The following WDR35 variants were observed in gnomAD, a reference collection of about 807,000 sequenced individuals.
WDR35 encodes the protein WD repeat domain 35, also known as WD repeat-containing protein 35.
Under a neutral mutation model 158.3 loss-of-function variants are expected in WDR35, and 118 were observed. The ratio of observed to expected loss-of-function variants is 0.75; its 90% confidence interval spans 0.64 to 0.87. WDR35 has a LOEUF of 0.87. Ranked by LOEUF, WDR35 falls within the 40% of genes least tolerant of loss-of-function variation. WDR35 has a pLI of 0.00. For synonymous variants in WDR35, 448 were observed against 476.1 expected (o/e 0.94, Z 0.77); for missense variants, 1,263 against 1,405.8 (o/e 0.90, Z 1.62).
chr2:19,937,621 CTTAAAA>C (rs1383028382), intron 19 of WDR35, 116 bp downstream of exon 19: 1 of 1,339,708 alleles, frequency 7.5e-7, no homozygotes, highest in Non-Finnish European at 1.0e-6. Flanking sequence ...GTAATCCAAA[CTTAAAA>C]TTAATTTCTA....
intron 10 of WDR35, among the ~76,000 whole-genome samples, chr2:19,961,425 A>T (rs1671654029): frequency 6.6e-6 from 1 of 152,216 alleles, no homozygotes; most frequent in Non-Finnish European, 1.5e-5. Flanking sequence ...TGACTGAAAA[A>T]TTTGAGTTAA....
chr2:19,926,975 G>A (rs745386447), intron 25 of WDR35, among the ~76,000 whole-genome samples: 5 of 152,096 alleles, frequency 3.3e-5, no homozygotes, highest in Non-Finnish European at 7.4e-5. Flanking sequence ...AGCAACACCC[G>A]TTGAACACAG....
At position 19,932,460 on chromosome 2, in the gene WDR35, T is replaced by A. The variant is rs371827204; in HGVS notation, c.2659-13A>T. The stretch of plus-strand genomic sequence containing the variant: ...CAGCTTTGTTCCACTAGGAGAAAAA[T>A]TACACCATTCAGTCACCCAAGTATT... On this transcript the variant is annotated splice_polypyrimidine_tract_variant and intron_variant, in intron 22 of 26. Transcript: ENST00000281405. 4.2e-5 allele frequency: 67 copies of A among 1,612,988 alleles called. No individual in the cohort carries two copies. In the African/African-American group the frequency reaches 8.4e-4, roughly 20 times the overall value.
intron 11 of WDR35, among the ~76,000 whole-genome samples, chr2:19,955,800 A>G (rs1671409157): frequency 6.6e-6 from 1 of 152,214 alleles, no homozygotes; most frequent in Admixed American, 6.5e-5. Flanking sequence ...AAACTGAACA[A>G]AGAATTAGAA....
intron 17 of WDR35, among the ~76,000 whole-genome samples, chr2:19,939,877 T>TC (rs1254026039): frequency 1.3e-5 from 2 of 152,158 alleles, no homozygotes; most frequent in East Asian, 3.9e-4. Flanking sequence ...AGCTCACTCT[T>TC]TATCAAACCA....
At chr2:19,949,901 G>A (rs942312918) in intron 13 of WDR35, among the ~76,000 whole-genome samples, 15 of 152,166 alleles carry the variant, frequency 9.9e-5, no homozygotes, top group Non-Finnish European at 2.9e-5. Flanking sequence ...GAATATATAT[G>A]CAGAAATGAA....
rs371731558 is a variant in WDR35, at chr2:19,975,680, T to C, written c.437-17A>G. ...TACGATTGCCTAAAACAAAACATTA[T>C]TAAAAGTTGTTCAAGGTCATGATCC... On this transcript the variant is annotated splice_polypyrimidine_tract_variant and intron_variant, in intron 5 of 26. Transcript: ENST00000281405. 22 of 1,613,752 alleles carry C rather than the reference T, an allele frequency of 1.4e-5. No homozygotes were observed. Among genetic ancestry groups the C allele is most frequent in the African/African-American group, 2.7e-5 (2 of 74,938 alleles).
rs1669799318 is a variant in WDR35, at chr2:19,910,576, C to T, written c.*2982G>A. 1 of 152,170 alleles carries T rather than the reference C, an allele frequency of 6.6e-6. No individual in the cohort carries two copies. The highest frequency in any genetic ancestry group is 1.5e-5 in the Non-Finnish European group (1 of 68,028). 9.4% of individuals were successfully genotyped at this position (152,170 alleles called of 1,614,324 possible). On this transcript the variant is annotated 3_prime_UTR_variant, in exon 27 of 27. Transcript: ENST00000281405. ...AACTTGGCATTACTCAACGGGAAGT[C>T]AGTACATGTTTTTTGCAAGGAGAAC...
At chr2:19,951,196 A>T (rs1671223843) in intron 13 of WDR35, among the ~76,000 whole-genome samples, 1 of 152,180 alleles carries the variant, frequency 6.6e-6, no homozygotes, top group East Asian at 1.9e-4. Flanking sequence ...ACGCTTTTCT[A>T]AGTAGTATAT....
intron 1 of WDR35, among the ~76,000 whole-genome samples, 164 bp downstream of exon 1, chr2:19,989,828 C>A (rs1311469772): frequency 6.6e-6 from 1 of 152,110 alleles, no homozygotes; most frequent in African/African-American, 2.4e-5. Context: ...CTCTGGGAAC[C>A]GCAGGAAGAG....
At chr2:19,921,358 C>T (rs1044876946) in intron 25 of WDR35, among the ~76,000 whole-genome samples, 4 of 152,064 alleles carry the variant, frequency 2.6e-5, no homozygotes, top group Non-Finnish European at 5.9e-5. Context: ...AAAAACGGCA[C>T]GGTACTGGTA....
At chr2:19,936,152 A>G (rs1222095744) in intron 20 of WDR35, 67 bp downstream of exon 20, 2 of 1,598,618 alleles carry the variant, frequency 1.3e-6, no homozygotes, top group Non-Finnish European at 1.7e-6. Flanking sequence ...ATTACTTCCT[A>G]GAGAAGTACT....
Position 19,930,625 on chromosome 2 carries a change from G to T in WDR35, c.2965-73C>A. The T allele has an allele frequency of 4.4e-6, 7 of 1,594,394 alleles. No individual in the cohort carries two copies. In the South Asian group the frequency reaches 7.7e-5, roughly 18 times the overall value. ...CAGTGTCAACTCCCAAATAACAACA[G>T]TCATTAAAGTATCTAAATGAGCAGA... On this transcript the variant is annotated intron_variant, in intron 24 of 26. Coordinates refer to ENST00000281405, the MANE Select transcript of WDR35 (RefSeq NM_020779.4).
At chr2:19,979,689 T>C (rs1355883230) in intron 4 of WDR35, among the ~76,000 whole-genome samples, 3 of 151,066 alleles carry the variant, frequency 2.0e-5, no homozygotes, top group Non-Finnish European at 4.4e-5. Context: ...GAATCGAGAC[T>C]GAGACCCAGA....
intron 2 of WDR35, among the ~76,000 whole-genome samples, chr2:19,985,400 G>A (rs2103468753): frequency 6.6e-6 from 1 of 151,330 alleles, no homozygotes; most frequent in East Asian, 1.9e-4. Flanking sequence ...TCCAACCCAG[G>A]ACCATCATCC....
chr2:19,912,926 T>C lies in WDR35; in HGVS notation c.*632A>G, dbSNP rs1453598093. On this transcript the variant is annotated 3_prime_UTR_variant, in exon 27 of 27. Coordinates refer to ENST00000281405, the MANE Select transcript of WDR35 (RefSeq NM_020779.4). Reference sequence around the variant, plus strand: ...TTTTCTGCACAATCATATGAAAGTGTAAATTCCAAATGCCATCTCTTAAAT... The same window carrying C: ...TTTTCTGCACAATCATATGAAAGTGCAAATTCCAAATGCCATCTCTTAAAT... The C allele has an allele frequency of 6.6e-6, 1 of 152,208 alleles. No homozygotes were observed. The highest frequency in any genetic ancestry group is 1.5e-5 in the Non-Finnish European group (1 of 68,040). 9.4% of individuals were successfully genotyped at this position (152,208 alleles called of 1,614,324 possible). A position where few individuals can be genotyped will look rare whatever the true frequency, so the allele number is the denominator to read the frequency against.
chr2:19,978,924 C>A lies in WDR35; in HGVS notation c.308-45G>T, dbSNP rs1335378938. On this transcript the variant is annotated intron_variant, in intron 4 of 26. Coordinates refer to ENST00000281405, the MANE Select transcript of WDR35 (RefSeq NM_020779.4). ...AAATTACAAGTCAAAACTTTCACAT[C>A]TATTAAATAGTAGTTAAGAATTGAA... 1.9e-6 allele frequency: 3 copies of A among 1,609,348 alleles called. No homozygotes were observed. In the African/African-American group the frequency reaches 4.0e-5, roughly 22 times the overall value.
At chr2:19,916,402 CT>C (rs1379009346) in intron 25 of WDR35, among the ~76,000 whole-genome samples, 2 of 152,212 alleles carry the variant, frequency 1.3e-5, no homozygotes, top group African/African-American at 4.8e-5. Context: ...ATTCACTCCC[CT>C]GGAAAGGGGG....
chr2:19,973,663 C>T lies in WDR35; in HGVS notation c.782G>A (p.Trp261Ter). Residue 261 changes from tryptophan to a stop codon, truncating the protein, a stop_gained, in exon 8 of 27, where the codon TGG (tryptophan) becomes TAG (stop). Transcript: ENST00000281405. LOFTEE classifies it high-confidence loss of function. ...DTGMYVVGIQ[W>*]NHMGSVLAVA... The stretch of plus-strand genomic sequence containing the variant: ...AGCTAACACGCTGCCCATGTGGTTC[C>T]ACTGGATGCCTACTACGTACATGCC... The T allele has an allele frequency of 6.2e-7, 1 of 1,614,214 alleles. No homozygotes were observed. The highest frequency in any genetic ancestry group is 8.5e-7 in the Non-Finnish European group (1 of 1,180,032).
Sources: gnomAD v4.1 joint callset for allele counts (sites outside exome capture counted in the v4.1 genomes callset) on GRCh38, gnomAD v4.1.1 for gene constraint, MANE v1.5 for transcripts, NCBI Gene and HGNC (gene_info 2026-07-23, HGNC 2026-07-21) for gene names.